TTC13: variants seen among roughly 807,000 people sequenced by gnomAD.
TTC13 encodes the protein tetratricopeptide repeat domain 13, also known as tetratricopeptide repeat protein 13.
TTC13 carries 62 observed loss-of-function variants against 120.0 expected under a neutral mutation model. That is an observed-to-expected ratio of 0.52 (90% CI 0.42 to 0.64). The LOEUF (loss-of-function observed/expected upper bound fraction) is 0.64, where lower values mean the gene tolerates loss of function less well. TTC13 is among the 30% of genes least tolerant of loss of function. The probability of loss-of-function intolerance (pLI) is 0.00; values close to 1 mark genes in which losing one functional copy is unlikely to be tolerated. For missense variants in TTC13, 824 were observed against 1,050.2 expected, an observed-to-expected ratio of 0.78 and a Z score of 2.98; for synonymous variants, 384 against 393.5, an observed-to-expected ratio of 0.98 and a Z score of 0.28.
At chr1:230,960,088 G>A (rs916601470) in intron 2 of TTC13, among the ~76,000 whole-genome samples, 1 of 152,170 alleles carries the variant, frequency 6.6e-6, no homozygotes, top group African/African-American at 2.4e-5. Context: ...ACACTATCTG[G>A]CTTATTGCTG....
At chr1:230,955,587 C>T (rs1675993241) in intron 3 of TTC13, among the ~76,000 whole-genome samples, 1 of 148,676 alleles carries the variant, frequency 6.7e-6, no homozygotes, top group Non-Finnish European at 1.5e-5. Flanking sequence ...AGGAGAATGG[C>T]ATGAACCCAG....
chr1:230,948,710 A>C (rs1169949253), intron 4 of TTC13, among the ~76,000 whole-genome samples: 1 of 151,976 alleles, frequency 6.6e-6, no homozygotes, highest in Non-Finnish European at 1.5e-5. Context: ...GGCTGGTCTC[A>C]AGCTCCTGGG....
Position 230,939,571 on chromosome 1 carries a change from G to A in TTC13, c.790-75C>T, listed in dbSNP as rs1572232261. 1.1e-5 allele frequency: 11 copies of A among 1,018,294 alleles called. No homozygotes were observed. The East Asian group carries it at 2.5e-4, about 23-fold the overall frequency. The allele number at this position is 1,018,294 out of a possible 1,614,324, so 63.1% of individuals were successfully genotyped here. On this transcript the variant is annotated intron_variant, in intron 7 of 22. Coordinates refer to ENST00000366661, the MANE Select transcript of TTC13 (RefSeq NM_024525.5). ...GTGAACATTTCCTAATTTTTGGCTG[G>A]TAGAGAAAAAAAATCTCAATTCATC...
intron 20 of TTC13, among the ~76,000 whole-genome samples, chr1:230,909,390 G>A (rs974940381): frequency 4.6e-5 from 7 of 152,144 alleles, no homozygotes; most frequent in African/African-American, 1.4e-4. Context: ...CAGCACTTTG[G>A]GAGGCCGAGG....
rs771384700 is a variant in TTC13, at chr1:230,945,462, G to A, written c.514-8C>T. The A allele has an allele frequency of 1.2e-6, 2 of 1,613,828 alleles. No homozygotes were observed. Among genetic ancestry groups the A allele is most frequent in the South Asian group, 1.1e-5 (1 of 91,074 alleles). ...AACCAGATCAGGCTCCTCCTAGTCAGACCAAAACAAAAACACGTCAAAAAC... is the reference window on the plus strand; with the variant it reads ...AACCAGATCAGGCTCCTCCTAGTCAAACCAAAACAAAAACACGTCAAAAAC... On this transcript the variant is annotated splice_region_variant and splice_polypyrimidine_tract_variant and intron_variant, in intron 4 of 22. Transcript: ENST00000366661.
chr1:230,951,665 G>A (rs1675593787), intron 4 of TTC13, among the ~76,000 whole-genome samples: 1 of 151,944 alleles, frequency 6.6e-6, no homozygotes. Flanking sequence ...CTGAAATACT[G>A]GATATGAAAA....
At chr1:230,911,367 C>A in intron 20 of TTC13, 103 bp downstream of exon 20, 1 of 733,212 alleles carries the variant, frequency 1.4e-6, no homozygotes. Flanking sequence ...AGCTCCTTAC[C>A]ATTTCTTTGT....
intron 4 of TTC13, among the ~76,000 whole-genome samples, chr1:230,946,164 C>T (rs542747363): frequency 6.6e-6 from 1 of 152,312 alleles, no homozygotes; most frequent in African/African-American, 2.4e-5. Context: ...CTCTCATCTA[C>T]ATTTAGCCTC....
At position 230,931,826 on chromosome 1, in the gene TTC13, C is replaced by A; in HGVS notation, c.1035G>T (p.Leu345Phe). Residue 345 changes from leucine to phenylalanine, a missense_variant, in exon 10 of 23, where the codon TTG becomes TTT. Transcript: ENST00000366661. ...AATESFQKAL[L>F]LNQNHVQTLQ... ...GGGTTTGCACATGATTTTGGTTGAGCAACAGTGCCTTTTGAAAGCTCTCAG... is the reference window on the plus strand; with the variant it reads ...GGGTTTGCACATGATTTTGGTTGAGAAACAGTGCCTTTTGAAAGCTCTCAG... 6.2e-7 allele frequency: 1 copy of A among 1,614,176 alleles called. No individual in the cohort carries two copies. Among genetic ancestry groups the A allele is most frequent in the Non-Finnish European group, 8.5e-7 (1 of 1,180,020 alleles).
chr1:230,956,195 G>A (rs1015498572), intron 3 of TTC13, among the ~76,000 whole-genome samples: 1 of 152,276 alleles, frequency 6.6e-6, no homozygotes, highest in African/African-American at 2.4e-5. Flanking sequence ...AAGGCAGCAA[G>A]CTGCCTGGCT....
rs1046309132 is a variant in TTC13, at chr1:230,912,083, G to A, written c.2230-534C>T. ...CGTCCACTGCAGAACACAGAGAAGG[G>A]GCGTGGTGGGGAGAGAATGTCCACC... On this transcript the variant is annotated intron_variant, in intron 19 of 22. Coordinates refer to ENST00000366661, the MANE Select transcript of TTC13 (RefSeq NM_024525.5). Among the ~76,000 whole-genome samples, 7 of 152,250 alleles carry A rather than the reference G, an allele frequency of 4.6e-5. 1 individual carries two copies. In the South Asian group the frequency reaches 1.0e-3, roughly 23 times the overall value.
chr1:230,921,564 C>T (rs2275334), intron 15 of TTC13, 60 bp from the exon 16 acceptor site: 591,765 of 843,972 alleles, frequency 0.7, 207,861 homozygotes, highest in Admixed American at 0.75. Flanking sequence ...CTCAAGCCAA[C>T]ATCTAATTTC....
intron 1 of TTC13, among the ~76,000 whole-genome samples, chr1:230,969,313 A>C (rs1677483094): frequency 6.6e-6 from 1 of 152,176 alleles, no homozygotes; most frequent in African/African-American, 2.4e-5. Flanking sequence ...GCTTACGTTT[A>C]ATAAGAGAAG....
chr1:230,969,334 G>C (rs926452983), intron 1 of TTC13, among the ~76,000 whole-genome samples: 1 of 152,178 alleles, frequency 6.6e-6, no homozygotes, highest in Non-Finnish European at 1.5e-5. Context: ...AGTTGACCTG[G>C]TGAAGATGAG....
intron 8 of TTC13, among the ~76,000 whole-genome samples, chr1:230,935,821 G>A (rs2102858046): frequency 6.6e-6 from 1 of 152,330 alleles, no homozygotes; most frequent in East Asian, 1.9e-4. Flanking sequence ...AGTAGTTGGA[G>A]CAAGAGATAA....
At chr1:230,945,794 A>G (rs1372933276) in intron 4 of TTC13, among the ~76,000 whole-genome samples, 1 of 152,190 alleles carries the variant, frequency 6.6e-6, no homozygotes, top group Non-Finnish European at 1.5e-5. Flanking sequence ...TACAGAGAAG[A>G]AGGAGGCTCA....
intron 3 of TTC13, 60 bp from the exon 4 acceptor site, chr1:230,954,463 A>G: frequency 1.5e-6 from 2 of 1,297,662 alleles, no homozygotes; most frequent in Middle Eastern, 2.0e-4. Context: ...ACTAGAATCA[A>G]TAACTAAATG....
chr1:230,914,776 T>C (rs61142518), intron 18 of TTC13, among the ~76,000 whole-genome samples: 2,139 of 152,246 alleles, frequency 0.014, 43 homozygotes, highest in African/African-American at 0.048. Flanking sequence ...ATAAAATATA[T>C]GTTAATCAGC....
rs1346130182 is a variant in TTC13, at chr1:230,908,693, A to AC, written c.2468+18dup. On this transcript the variant is annotated intron_variant, in intron 22 of 22. Coordinates refer to ENST00000366661, the MANE Select transcript of TTC13 (RefSeq NM_024525.5). ...CTCCAGTTATGATACCCTTGTGTGG[A>AC]CCCCCCTCAAGTAGTTACCTTTTCA... is the stretch of plus-strand genomic sequence containing the variant. 9.3e-6 allele frequency: 15 copies of AC among 1,604,462 alleles called. No individual in the cohort carries two copies. The highest frequency in any genetic ancestry group is 1.7e-5 in the Admixed American group (1 of 59,684).
Sources: gnomAD v4.1 joint callset for allele counts (sites outside exome capture counted in the v4.1 genomes callset) on GRCh38, gnomAD v4.1.1 for gene constraint, MANE v1.5 for transcripts, NCBI Gene and HGNC (gene_info 2026-07-23, HGNC 2026-07-21) for gene names.